The following ZDHHC15 variants were observed in gnomAD, a reference collection of about 807,000 sequenced individuals.
ZDHHC15 encodes the protein palmitoyltransferase ZDHHC15.
Under a neutral mutation model 31.7 loss-of-function variants are expected in ZDHHC15, and 19 were observed. The observed-to-expected ratio is 0.60, with a 90% CI of 0.42 to 0.88. The LOEUF is 0.88. Ranked by LOEUF, ZDHHC15 falls within the 40% of genes least tolerant of loss-of-function variation. ZDHHC15 has a pLI of 0.00. For missense variants in ZDHHC15, 209 were observed against 251.2 expected (o/e 0.83, Z 1.14); for synonymous variants, 103 against 90.0 (o/e 1.14, Z -0.82).
At chrX:75,495,196 G>A (rs1264702731) in intron 2 of ZDHHC15, among the ~76,000 whole-genome samples, 1 of 112,073 alleles carries the variant, frequency 8.9e-6, no homozygotes, top group East Asian at 2.8e-4. Flanking sequence ...ATCATCACTG[G>A]CATTCAGAGA....
At chrX:75,489,782 C>T (rs746909506) in intron 2 of ZDHHC15, among the ~76,000 whole-genome samples, 13 of 112,001 alleles carry the variant, frequency 1.2e-4, no homozygotes, top group East Asian at 8.4e-4. Context: ...TTCAGACAAT[C>T]GAACTACTCC....
Position 75,374,658 on chromosome X carries a change from AGTGTGTGT to A in ZDHHC15, c.*33-1721_*33-1714del, listed in dbSNP as rs760934695. Among the ~76,000 whole-genome samples the A allele has an allele frequency of 2.7e-3, 274 of 100,017 alleles. 3 individuals are homozygous for A. Among genetic ancestry groups the A allele is most frequent in the East Asian group, 9.2e-3 (28 of 3,032 alleles). 86.9% of individuals were successfully genotyped at this position (100,017 alleles called of 115,157 possible). On this transcript the variant is annotated intron_variant, in intron 11 of 11. Coordinates refer to ENST00000373367, the MANE Select transcript of ZDHHC15 (RefSeq NM_144969.3). ...ATTAATAGATGGAAAAGTAAATTTT[AGTGTGTGT>A]GTGTGTGTGTGTGTGTGTGTGTATA...
chrX:75,475,085 A>T (rs2084580483), intron 3 of ZDHHC15, among the ~76,000 whole-genome samples: 1 of 111,770 alleles, frequency 8.9e-6, no homozygotes, highest in African/African-American at 3.2e-5. Context: ...AAATAAAAAT[A>T]AATAAAAAAA....
chrX:75,444,217 C>A (rs1217939843), intron 4 of ZDHHC15, among the ~76,000 whole-genome samples: 45 of 110,172 alleles, frequency 4.1e-4, no homozygotes, highest in Admixed American at 5.8e-4. Flanking sequence ...TGGAACTAAC[C>A]CAAATGTCCA....
chrX:75,488,264 G>A (rs2084810193), intron 2 of ZDHHC15, among the ~76,000 whole-genome samples: 2 of 111,789 alleles, frequency 1.8e-5, no homozygotes, highest in African/African-American at 3.3e-5. Context: ...TAAGACCTGT[G>A]AGGCAGAAGC....
chrX:75,506,180 G>A (rs1053298373), intron 1 of ZDHHC15, among the ~76,000 whole-genome samples: 1 of 111,774 alleles, frequency 8.9e-6, no homozygotes, highest in Non-Finnish European at 1.9e-5. Flanking sequence ...AAAGGCCTAT[G>A]TAAACATGCT....
chrX:75,474,072 C>G (rs959054925), intron 3 of ZDHHC15, among the ~76,000 whole-genome samples: 13 of 110,687 alleles, frequency 1.2e-4, no homozygotes, highest in African/African-American at 4.3e-4. Flanking sequence ...TACTGAGTGT[C>G]AACTTGATTG....
rs2083007353 is a variant in ZDHHC15 at position 75,371,677 on chromosome X, TAA to T, written c.*1299_*1300del. The T allele has an allele frequency of 1.8e-5, 2 of 111,730 alleles. No individual in the cohort carries two copies. The highest frequency in any genetic ancestry group is 3.8e-5 in the Non-Finnish European group (2 of 53,193). 9.2% of individuals were successfully genotyped at this position (111,730 alleles called of 1,213,427 possible). On this transcript the variant is annotated 3_prime_UTR_variant, in exon 12 of 12. Transcript: ENST00000373367. ...GATGCTTCTAAATTCCACTGATCTC[TAA>T]AAGAGTTGGAGCTTTTATTGTCAGC...
At position 75,371,255 on chromosome X, in the gene ZDHHC15, T is replaced by A. The variant is rs1480880897; in HGVS notation, c.*1723A>T. On this transcript the variant is annotated 3_prime_UTR_variant, in exon 12 of 12. Coordinates refer to ENST00000373367, the MANE Select transcript of ZDHHC15 (RefSeq NM_144969.3). ...GAAATGAGAGTATTTTGAGAAAGAG[T>A]GTAAGGGGAAATTTTTTTCCATCTG... The A allele has an allele frequency of 9.1e-6, 1 of 110,060 alleles. No homozygotes were observed. 9.1% of individuals were successfully genotyped at this position (110,060 alleles called of 1,213,427 possible). A position where few individuals can be genotyped will look rare whatever the true frequency, so the allele number is the denominator to read the frequency against.
intron 4 of ZDHHC15, among the ~76,000 whole-genome samples, chrX:75,447,214 A>C (rs2084045978): frequency 8.9e-6 from 1 of 112,093 alleles, no homozygotes; most frequent in African/African-American, 3.2e-5. Context: ...TGAGCCATCA[A>C]CCTGGTATCA....
At chrX:75,423,523 A>T (rs2083674772) in intron 8 of ZDHHC15, among the ~76,000 whole-genome samples, 1 of 103,507 alleles carries the variant, frequency 9.7e-6, no homozygotes, top group Non-Finnish European at 2.0e-5. Flanking sequence ...AAAGGACAGG[A>T]TCTCGTTCTT....
chrX:75,417,079 C>A lies in ZDHHC15; in HGVS notation c.967+8G>T. 8.4e-7 allele frequency: 1 copy of A among 1,191,157 alleles called. No individual in the cohort carries two copies. Among genetic ancestry groups the A allele is most frequent in the Non-Finnish European group, 1.1e-6 (1 of 878,385 alleles). ...AATGTGGACTTCATAGTCTTTGACC[C>A]CACTTACCTTGGTTGTCATCCTCGT... is the stretch of plus-strand genomic sequence containing the variant. On this transcript the variant is annotated splice_region_variant and intron_variant, in intron 10 of 11. Transcript: ENST00000373367.
intron 11 of ZDHHC15, 62 bp downstream of exon 11, chrX:75,379,058 C>G: frequency 1.1e-6 from 1 of 925,562 alleles, no homozygotes; most frequent in Admixed American, 2.6e-5. Context: ...TCTAGTTCTT[C>G]TCCCAAGCCG....
intron 2 of ZDHHC15, among the ~76,000 whole-genome samples, chrX:75,489,885 A>T: frequency 8.9e-6 from 1 of 112,089 alleles, no homozygotes; most frequent in East Asian, 2.8e-4. Context: ...CAATGCAGAG[A>T]AGTCCTTAAA....
intron 10 of ZDHHC15, among the ~76,000 whole-genome samples, chrX:75,386,766 T>C (rs1233300103): frequency 3.6e-5 from 4 of 111,939 alleles, no homozygotes; most frequent in Admixed American, 9.4e-5. Context: ...CATGAGCCAC[T>C]GCACCTGGCC....
intron 3 of ZDHHC15, among the ~76,000 whole-genome samples, chrX:75,455,940 T>C (rs1177607973): frequency 1.8e-5 from 2 of 111,584 alleles, no homozygotes. Context: ...TGGAAGACAG[T>C]GTAGCGATTC....
intron 3 of ZDHHC15, among the ~76,000 whole-genome samples, chrX:75,466,103 A>C (rs2084400594): frequency 8.9e-6 from 1 of 111,920 alleles, no homozygotes; most frequent in Non-Finnish European, 1.9e-5. Flanking sequence ...TTCTAAGAAA[A>C]AAACAAACAA....
chrX:75,369,537 T>G lies in ZDHHC15; in HGVS notation c.*3441A>C, dbSNP rs1051048685. Reference sequence around the variant, plus strand: ...GCTTAAATCTCCATTAACCTCAATGTCTATACTTTGTGCAATTTGGTATAA... The same window carrying G: ...GCTTAAATCTCCATTAACCTCAATGGCTATACTTTGTGCAATTTGGTATAA... On this transcript the variant is annotated 3_prime_UTR_variant, in exon 12 of 12. Transcript: ENST00000373367. 6 of 111,969 alleles carry G rather than the reference T, an allele frequency of 5.4e-5. No homozygotes were observed. The highest frequency in any genetic ancestry group is 2.0e-4 in the African/African-American group (6 of 30,742). 9.2% of individuals were successfully genotyped at this position (111,969 alleles called of 1,213,427 possible).
chrX:75,483,539 C>T (rs1476728960), intron 2 of ZDHHC15, among the ~76,000 whole-genome samples: 1 of 110,507 alleles, frequency 9.0e-6, no homozygotes, highest in Non-Finnish European at 1.9e-5. Context: ...TGCATTTCAG[C>T]CTGGGTGATA....
Sources: gnomAD v4.1 joint callset for allele counts (sites outside exome capture counted in the v4.1 genomes callset) on GRCh38, gnomAD v4.1.1 for gene constraint, MANE v1.5 for transcripts, NCBI Gene and HGNC (gene_info 2026-07-23, HGNC 2026-07-21) for gene names.